Variants in PTPRD observed in about 807,000 individuals in gnomAD.
PTPRD encodes the protein protein tyrosine phosphatase receptor type D, also known as receptor-type tyrosine-protein phosphatase delta.
Under a neutral mutation model 214.5 loss-of-function variants are expected in PTPRD, and 34 were observed. The ratio of observed to expected loss-of-function variants is 0.16; its 90% CI spans 0.12 to 0.21. The LOEUF (loss-of-function observed/expected upper bound fraction) is 0.21. Ranked by LOEUF, PTPRD falls within the 10% of genes least tolerant of loss-of-function variation. The probability of loss-of-function intolerance (pLI) is 1.00; values close to 1 mark genes in which losing one functional copy is unlikely to be tolerated. For missense variants in PTPRD, 2,545 were observed against 2,398.7 expected (o/e 1.06, Z -1.27); for synonymous variants, 1,128 against 845.7 (o/e 1.33, Z -5.79).
intron 8 of PTPRD, among the ~76,000 whole-genome samples, chr9:9,468,295 T>C (rs944290905): frequency 6.6e-5 from 10 of 152,060 alleles, no homozygotes; most frequent in Non-Finnish European, 8.8e-5. Context: ...TAAAAGTTTA[T>C]AATATTGTCT....
At chr9:10,242,514 T>C (rs1373703875) in intron 3 of PTPRD, among the ~76,000 whole-genome samples, 1 of 151,996 alleles carries the variant, frequency 6.6e-6, no homozygotes, top group African/African-American at 2.4e-5. Flanking sequence ...GCAACAGAAA[T>C]ATGTAAGTCC....
At chr9:9,988,245 TATTG>T (rs1414282750) in intron 4 of PTPRD, among the ~76,000 whole-genome samples, 5 of 152,212 alleles carry the variant, frequency 3.3e-5, no homozygotes, top group Non-Finnish European at 5.9e-5. Context: ...TTTTTGCACA[TATTG>T]ATCAGTTTTC....
chr9:9,192,273 G>C (rs2166235), intron 9 of PTPRD, among the ~76,000 whole-genome samples: 1 of 152,014 alleles, frequency 6.6e-6, no homozygotes, highest in Admixed American at 6.6e-5. Context: ...GAGAAAGCAG[G>C]AGTGCAGTTC....
At chr9:9,507,902 G>A (rs1036678695) in intron 8 of PTPRD, among the ~76,000 whole-genome samples, 3 of 151,408 alleles carry the variant, frequency 2.0e-5, no homozygotes, top group Non-Finnish European at 4.4e-5. Flanking sequence ...GTCTTGGGTA[G>A]CTCTGTATTC....
At chr9:9,404,313 G>T (rs1304885721) in intron 8 of PTPRD, among the ~76,000 whole-genome samples, 1 of 152,096 alleles carries the variant, frequency 6.6e-6, no homozygotes, top group South Asian at 2.1e-4. Context: ...TGGGAGATCA[G>T]TTTTGAACCT....
chr9:9,696,357 T>G (rs2097373627), intron 7 of PTPRD, among the ~76,000 whole-genome samples: 1 of 152,174 alleles, frequency 6.6e-6, no homozygotes. Flanking sequence ...GTTTCTTCAT[T>G]GACCTTCTGC....
intron 4 of PTPRD, among the ~76,000 whole-genome samples, chr9:9,943,457 G>A (rs1333547716): frequency 6.6e-6 from 1 of 152,250 alleles, no homozygotes; most frequent in East Asian, 1.9e-4. Context: ...AATACTATGT[G>A]TAGTGTTCTA....
At chr9:8,811,238 C>T (rs1334556103) in intron 11 of PTPRD, among the ~76,000 whole-genome samples, 1 of 152,098 alleles carries the variant, frequency 6.6e-6, no homozygotes, top group African/African-American at 2.4e-5. Context: ...GAACCCTTCC[C>T]GACAACTTCC....
In PTPRD at chr9:8,486,220, T is replaced by G. The variant is rs772351306; in HGVS notation, c.2597A>C (p.Glu866Ala). ...YRLKFGRKDM[E>A]PLTTLEFSEK... ...AGAGAACTCAAGAGTAGTAAGTGGCTCCATATCCTTGCGGCCAAATTTTAG... is the reference window on the plus strand; with the variant it reads ...AGAGAACTCAAGAGTAGTAAGTGGCGCCATATCCTTGCGGCCAAATTTTAG... Residue 866 changes from glutamate to alanine, a missense_variant, in exon 28 of 46, where the codon GAG becomes GCG. Glu to Ala is a moderately radical substitution (Grantham distance 107, BLOSUM62 -1). Coordinates refer to ENST00000381196, the MANE Select transcript of PTPRD (RefSeq NM_002839.4). 1 of 1,614,178 alleles carries G rather than the reference T, an allele frequency of 6.2e-7. No individual in the cohort carries two copies. The highest frequency in any genetic ancestry group is 1.1e-5 in the South Asian group (1 of 91,082).
chr9:8,315,568 C>G lies in PTPRD; in HGVS notation c.*2306G>C, dbSNP rs114870484. The G allele has an allele frequency of 3.6e-3, 840 of 231,030 alleles. 15 individuals carry two copies. Among genetic ancestry groups the G allele is most frequent in the African/African-American group, 0.018 (808 of 45,288 alleles). The allele number at this position is 231,030 out of a possible 1,614,324, so 14.3% of individuals were successfully genotyped here. On this transcript the variant is annotated 3_prime_UTR_variant, in exon 46 of 46. Coordinates refer to ENST00000381196, the MANE Select transcript of PTPRD (RefSeq NM_002839.4). The stretch of plus-strand genomic sequence containing the variant: ...AGACCCACATAGTGCACATTCTTCT[C>G]TGGTTCTGATGTAGGTTAGAGAGTC...
At chr9:8,344,114 C>T (rs1855200233) in intron 39 of PTPRD, among the ~76,000 whole-genome samples, 1 of 152,040 alleles carries the variant, frequency 6.6e-6, no homozygotes, top group South Asian at 2.1e-4. Flanking sequence ...TTTCAAACTC[C>T]ATGTTTGGCA....
chr9:8,323,687 T>C (rs185433722), intron 44 of PTPRD, among the ~76,000 whole-genome samples: 64 of 152,228 alleles, frequency 4.2e-4, no homozygotes, highest in Admixed American at 1.1e-3. Context: ...CCTGAATACA[T>C]GAGGAGTTGT....
intron 4 of PTPRD, among the ~76,000 whole-genome samples, chr9:10,013,957 G>C (rs2096651067): frequency 6.6e-6 from 1 of 151,772 alleles, no homozygotes; most frequent in Non-Finnish European, 1.5e-5. Context: ...TGAAACAAAG[G>C]ACAAATCTGT....
intron 2 of PTPRD, among the ~76,000 whole-genome samples, chr9:10,539,767 T>C (rs975420304): frequency 6.6e-6 from 1 of 152,190 alleles, no homozygotes; most frequent in Non-Finnish European, 1.5e-5. Flanking sequence ...AGATCCGCTT[T>C]GGAGGCGGAC....
intron 14 of PTPRD, among the ~76,000 whole-genome samples, chr9:8,568,957 A>G (rs1781632605): frequency 6.6e-6 from 1 of 152,056 alleles, no homozygotes; most frequent in South Asian, 2.1e-4. Flanking sequence ...CACTAACATC[A>G]TTTCTTTTAT....
At chr9:8,442,281 C>G (rs2095572406) in intron 34 of PTPRD, among the ~76,000 whole-genome samples, 1 of 152,228 alleles carries the variant, frequency 6.6e-6, no homozygotes, top group Non-Finnish European at 1.5e-5. Context: ...AGTAAGGCTA[C>G]TGAATGCTTC....
intron 9 of PTPRD, among the ~76,000 whole-genome samples, chr9:9,259,199 A>T (rs1265880904): frequency 2.0e-5 from 3 of 151,930 alleles, no homozygotes; most frequent in African/African-American, 7.2e-5. Flanking sequence ...TGACTGCCAG[A>T]CATGGGACTA....
chr9:8,505,999 C>G (rs1592252219), intron 22 of PTPRD, among the ~76,000 whole-genome samples: 1 of 152,176 alleles, frequency 6.6e-6, no homozygotes, highest in African/African-American at 2.4e-5. Context: ...AACTATATAA[C>G]TTTTTGAGTG....
intron 11 of PTPRD, among the ~76,000 whole-genome samples, chr9:8,787,829 C>T (rs2096055808): frequency 6.6e-6 from 1 of 152,122 alleles, no homozygotes; most frequent in Non-Finnish European, 1.5e-5. Flanking sequence ...TGCCTCCACC[C>T]CAGTCATCTT....
Sources: gnomAD v4.1 joint callset for allele counts (sites outside exome capture counted in the v4.1 genomes callset) on GRCh38, gnomAD v4.1.1 for gene constraint, MANE v1.5 for transcripts, NCBI Gene and HGNC (gene_info 2026-07-23, HGNC 2026-07-21) for gene names.